IMMP2L: variants seen among roughly 807,000 people sequenced by gnomAD.
IMMP2L encodes inner mitochondrial membrane peptidase subunit 2, also known as mitochondrial inner membrane protease subunit 2.
IMMP2L carries 18 observed loss-of-function variants against 19.3 expected under a neutral mutation model. The ratio of observed to expected loss-of-function variants is 0.93; its 90% CI spans 0.64 to 1.38. IMMP2L has a LOEUF of 1.38. IMMP2L is among the 40% of genes most tolerant of loss of function. IMMP2L has a pLI of 0.00. For missense variants in IMMP2L, 233 were observed against 218.2 expected, an observed-to-expected ratio of 1.07 and a Z score of -0.43; for synonymous variants, 76 against 73.0, an observed-to-expected ratio of 1.04 and a Z score of -0.21.
intron 3 of IMMP2L, among the ~76,000 whole-genome samples, chr7:111,357,992 G>C (rs1828882879): frequency 6.6e-6 from 1 of 151,778 alleles, no homozygotes; most frequent in African/African-American, 2.4e-5. Context: ...TTTCACCCTA[G>C]GGCATTCTGG....
chr7:110,867,022 T>C (rs1465199819), intron 5 of IMMP2L, among the ~76,000 whole-genome samples: 1 of 152,088 alleles, frequency 6.6e-6, no homozygotes, highest in Non-Finnish European at 1.5e-5. Context: ...AAATCTTTTT[T>C]ATTCACACCA....
chr7:111,049,719 C>T (rs1050656198), intron 3 of IMMP2L, among the ~76,000 whole-genome samples: 2 of 152,290 alleles, frequency 1.3e-5, no homozygotes, highest in African/African-American at 4.8e-5. Context: ...CAAATACTTC[C>T]AAAACAAATT....
chr7:111,094,931 T>A (rs1449386551), intron 3 of IMMP2L, among the ~76,000 whole-genome samples: 1 of 152,060 alleles, frequency 6.6e-6, no homozygotes, highest in Non-Finnish European at 1.5e-5. Context: ...TAGAGGTCAT[T>A]AAATACAGGA....
intron 3 of IMMP2L, among the ~76,000 whole-genome samples, chr7:111,219,877 A>C (rs1169457695): frequency 1.3e-5 from 2 of 152,030 alleles, no homozygotes; most frequent in African/African-American, 4.8e-5. Flanking sequence ...CAAGAAAGTG[A>C]TCTTAGAGTA....
intron 5 of IMMP2L, among the ~76,000 whole-genome samples, chr7:110,763,419 G>A (rs1798470633): frequency 6.6e-6 from 1 of 152,060 alleles, no homozygotes. Context: ...AAGCCCTACG[G>A]TGGGCAGTGT....
At chr7:110,856,565 G>C (rs537994444) in intron 5 of IMMP2L, among the ~76,000 whole-genome samples, 1 of 152,046 alleles carries the variant, frequency 6.6e-6, no homozygotes, top group Non-Finnish European at 1.5e-5. Flanking sequence ...TCCTATAAAA[G>C]ATAAAAAATT....
intron 5 of IMMP2L, among the ~76,000 whole-genome samples, chr7:110,834,153 T>G (rs934289785): frequency 1.3e-5 from 2 of 152,206 alleles, no homozygotes; most frequent in Non-Finnish European, 2.9e-5. Flanking sequence ...AATTTATTTT[T>G]AAAGCTTCTT....
At position 110,872,312 on chromosome 7, in the gene IMMP2L, C is replaced by T. The variant is rs117562693; in HGVS notation, c.408+14281G>A. 7.3e-3 allele frequency among the ~76,000 whole-genome samples: 1,116 copies of T among 152,222 alleles called. 32 individuals are homozygous for T. In the East Asian group the frequency reaches 0.1, roughly 14 times the overall value. On this transcript the variant is annotated intron_variant, in intron 5 of 5. Coordinates refer to ENST00000405709, the MANE Select transcript of IMMP2L (RefSeq NM_032549.4). ...GTTACTTTTCCACTTGTCCTTAAGT[C>T]GAAATCCTATCTTTTCTTCAAGGTT...
At chr7:111,471,101 C>A (rs1841222924) in intron 3 of IMMP2L, among the ~76,000 whole-genome samples, 1 of 151,774 alleles carries the variant, frequency 6.6e-6, no homozygotes, top group Non-Finnish European at 1.5e-5. Context: ...AGAATTTTTC[C>A]AAAGAGTTTT....
chr7:110,815,453 A>T (rs1245362989), intron 5 of IMMP2L, among the ~76,000 whole-genome samples: 3 of 151,836 alleles, frequency 2.0e-5, no homozygotes, highest in Admixed American at 6.6e-5. Flanking sequence ...TCTGCCAGGC[A>T]TTGGTATCAG....
chr7:111,420,912 G>T (rs919366874), intron 3 of IMMP2L, among the ~76,000 whole-genome samples: 2 of 151,776 alleles, frequency 1.3e-5, no homozygotes, highest in African/African-American at 4.9e-5. Context: ...AATCCTTTGG[G>T]TATATACCCA....
intron 3 of IMMP2L, among the ~76,000 whole-genome samples, chr7:111,149,400 G>T (rs1411438405): frequency 6.6e-6 from 1 of 152,098 alleles, no homozygotes; most frequent in Admixed American, 6.6e-5. Context: ...TGGGGTTTAG[G>T]GGTGTCAACC....
intron 3 of IMMP2L, among the ~76,000 whole-genome samples, chr7:111,379,654 T>C (rs1479409285): frequency 2.0e-5 from 3 of 151,788 alleles, no homozygotes; most frequent in Admixed American, 6.6e-5. Context: ...ATGATACATA[T>C]CTGAAGGCTT....
At chr7:111,027,851 G>A (rs774432269) in intron 3 of IMMP2L, among the ~76,000 whole-genome samples, 50 of 152,008 alleles carry the variant, frequency 3.3e-4, no homozygotes, top group Non-Finnish European at 6.6e-4. Flanking sequence ...AGAATAGGAC[G>A]AAATCTAAAT....
At chr7:111,539,192 GAGGGAGAA>G (rs1419063245) in intron 1 of IMMP2L, among the ~76,000 whole-genome samples, 1,199 of 19,716 alleles carry the variant, frequency 0.061, 135 homozygotes, top group South Asian at 0.089. Flanking sequence ...AGGAAGGAAG[GAGGGAGAA>G]AGAAAGAAAG....
At chr7:111,328,127 T>A (rs1031734018) in intron 3 of IMMP2L, among the ~76,000 whole-genome samples, 4 of 151,772 alleles carry the variant, frequency 2.6e-5, no homozygotes, top group Non-Finnish European at 4.4e-5. Context: ...AGAGAACTTG[T>A]ACGATTTTTG....
At chr7:111,496,021 C>A (rs1203226853) in intron 2 of IMMP2L, among the ~76,000 whole-genome samples, 1 of 152,088 alleles carries the variant, frequency 6.6e-6, no homozygotes, top group Non-Finnish European at 1.5e-5. Flanking sequence ...GAGGCGGGGG[C>A]AATAACAGAA....
intron 3 of IMMP2L, chr7:111,125,167 C>G (rs1586450499): frequency 2.9e-6 from 1 of 344,480 alleles, no homozygotes; most frequent in South Asian, 6.8e-5. Flanking sequence ...ACTTTTATGT[C>G]TGGACTACAG....
intron 3 of IMMP2L, among the ~76,000 whole-genome samples, chr7:111,453,429 G>A (rs571052735): frequency 5.3e-5 from 8 of 152,230 alleles, no homozygotes; most frequent in East Asian, 1.9e-4. Context: ...ACAAAAGCCC[G>A]TTAGAAACAG....
Sources: allele counts gnomAD v4.1 joint callset (sites outside exome capture counted in the v4.1 genomes callset), GRCh38; gene constraint gnomAD v4.1.1; transcripts MANE v1.5; gene names NCBI Gene and HGNC (gene_info 2026-07-23, HGNC 2026-07-21).